The following ARID1B variants were observed in gnomAD, a reference collection of about 807,000 sequenced individuals.
ARID1B encodes AT-rich interaction domain 1B, also known as AT-rich interactive domain-containing protein 1B.
Under a neutral mutation model 212.3 loss-of-function variants are expected in ARID1B, and 30 were observed. That is an observed-to-expected ratio of 0.14 (90% CI 0.11 to 0.19). The LOEUF is 0.19. Ranked by LOEUF, ARID1B falls within the 10% of genes least tolerant of loss-of-function variation. The pLI is 1.00. For synonymous variants in ARID1B, 1,402 were observed against 1,301.7 expected, an observed-to-expected ratio of 1.08 and a Z score of -1.66; for missense variants, 2,891 against 3,204.0, an observed-to-expected ratio of 0.90 and a Z score of 2.36.
At chr6:157,003,296 A>G (rs56320856) in intron 4 of ARID1B, among the ~76,000 whole-genome samples, 3,245 of 152,270 alleles carry the variant, frequency 0.021, 49 homozygotes, top group Non-Finnish European at 0.033. Context: ...TTGTGTATGG[A>G]CAACACAGCC....
At chr6:156,877,478 G>T (rs572702279) in intron 2 of ARID1B, among the ~76,000 whole-genome samples, 2 of 151,926 alleles carry the variant, frequency 1.3e-5, no homozygotes, top group East Asian at 1.9e-4. Context: ...TTGCCTGCTG[G>T]CTCCACCTAC....
At chr6:156,789,876 C>T (rs1015321998) in intron 1 of ARID1B, among the ~76,000 whole-genome samples, 8 of 152,108 alleles carry the variant, frequency 5.3e-5, no homozygotes, top group Non-Finnish European at 7.4e-5. Flanking sequence ...TTATAAGAAA[C>T]GTGTATGCTG....
At chr6:156,938,511 A>G (rs1170949944) in intron 4 of ARID1B, 1 of 152,174 alleles carries the variant, frequency 6.6e-6, no homozygotes, top group Non-Finnish European at 1.5e-5. Context: ...TGTAATTTGG[A>G]ATTAAGTATA....
intron 2 of ARID1B, among the ~76,000 whole-genome samples, chr6:156,891,549 CACAA>C (rs1437476133): frequency 1.3e-5 from 2 of 152,048 alleles, no homozygotes; most frequent in Admixed American, 1.3e-4. Context: ...ATACCTATAC[CACAA>C]ACAGATTCTC....
In ARID1B at chr6:157,148,411, G is replaced by A. The variant is rs947083480; in HGVS notation, c.2762-213G>A. Among the ~76,000 whole-genome samples, 1 of 152,124 alleles carries A rather than the reference G, an allele frequency of 6.6e-6. No homozygotes were observed. The highest frequency in any genetic ancestry group is 1.5e-5 in the Non-Finnish European group (1 of 68,032). On this transcript the variant is annotated intron_variant, in intron 7 of 19. Transcript: ENST00000636930. This position sits in a 1 kb window ranked among gnomAD's most constrained non-coding sequence, Gnocchi z 5.6. ...CTTCATCAGTGCAGTGGTCCTCTGG[G>A]GCTGTCTGTATTTGAGTCACTCTCT...
intron 4 of ARID1B, among the ~76,000 whole-genome samples, chr6:157,039,632 TC>T (rs1219237608): frequency 6.0e-4 from 75 of 124,242 alleles, no homozygotes; most frequent in Non-Finnish European, 1.0e-4. Flanking sequence ...CTTCCTTCCT[TC>T]CTTCCTTCCT....
At chr6:157,179,752 G>T (rs968020247) in intron 11 of ARID1B, among the ~76,000 whole-genome samples, 2 of 152,180 alleles carry the variant, frequency 1.3e-5, no homozygotes, top group Non-Finnish European at 2.9e-5. Flanking sequence ...GAAAGCGGCG[G>T]CCTCACATGC....
chr6:156,829,354 G>A lies in ARID1B; in HGVS notation c.1919G>A (p.Arg640Gln), dbSNP rs768096043. 2 of 1,614,190 alleles carry A rather than the reference G, an allele frequency of 1.2e-6. No homozygotes were observed. Among genetic ancestry groups the A allele is most frequent in the Non-Finnish European group, 1.7e-6 (2 of 1,180,036 alleles). The change falls in exon 2 of 20, where the codon CGG becomes CAG. Residue 640 changes from arginine to glutamine, a missense_variant. Arg to Gln is a conservative substitution (Grantham distance 43). Around this residue, in one of 7 missense-constraint regions of ARID1B, gnomAD observed 1,643 missense variants for 1,544.0 expected, o/e 1.06. Transcript: ENST00000636930. ...TCCTATGGCCCTCCAGGCCCACAGCGGTATCCAATTGGCATCCAGGGTCGG... is the reference window on the plus strand; with the variant it reads ...TCCTATGGCCCTCCAGGCCCACAGCAGTATCCAATTGGCATCCAGGGTCGG... ...GGSYGPPGPQ[R>Q]YPIGIQGRTP...
At chr6:157,041,078 A>G (rs536378020) in intron 4 of ARID1B, among the ~76,000 whole-genome samples, 3 of 152,320 alleles carry the variant, frequency 2.0e-5, no homozygotes, top group South Asian at 4.1e-4. Context: ...CTTTGTTAGT[A>G]AAGTTCTGAA....
At chr6:156,797,713 CG>C (rs1780484645) in intron 1 of ARID1B, among the ~76,000 whole-genome samples, 1 of 152,026 alleles carries the variant, frequency 6.6e-6, no homozygotes, top group Admixed American at 6.6e-5. Context: ...CCAGACAGCT[CG>C]ATGGAGATGC....
chr6:156,999,433 C>A (rs2128424144), intron 4 of ARID1B, among the ~76,000 whole-genome samples: 1 of 152,308 alleles, frequency 6.6e-6, no homozygotes, highest in Non-Finnish European at 1.5e-5. Flanking sequence ...AGGGTATGAC[C>A]CTGGCACTTA....
At chr6:157,184,477 G>A in intron 13 of ARID1B, 42 bp downstream of exon 13, 1 of 1,611,198 alleles carries the variant, frequency 6.2e-7, no homozygotes, top group African/African-American at 1.3e-5. Flanking sequence ...GAAAGCCCAG[G>A]CGCCTGGCCT....
chr6:156,894,607 C>T (rs6903671), intron 2 of ARID1B, among the ~76,000 whole-genome samples: 53,020 of 152,016 alleles, frequency 0.35, 9,833 homozygotes, highest in African/African-American at 0.47. Flanking sequence ...CACTTGAATA[C>T]GTCTCTGATA....
chr6:156,828,229 G>T (rs1226170319), intron 1 of ARID1B, among the ~76,000 whole-genome samples: 5 of 152,004 alleles, frequency 3.3e-5, no homozygotes, highest in Non-Finnish European at 7.4e-5. Flanking sequence ...GCCTGGCTAA[G>T]TTTTTAATTT....
At chr6:156,902,589 T>C (rs1346197612) in intron 3 of ARID1B, among the ~76,000 whole-genome samples, 1 of 152,088 alleles carries the variant, frequency 6.6e-6, no homozygotes, top group African/African-American at 2.4e-5. Context: ...GCAAAACATG[T>C]TAAAACAACA....
chr6:157,004,890 C>CTTTTTTGTTTTT lies in ARID1B; in HGVS notation c.2247+69320_2247+69321insGTTTTTTTTTTT, dbSNP rs1779118895. Among the ~76,000 whole-genome samples the CTTTTTTGTTTTT allele has an allele frequency of 6.2e-4, 22 of 35,694 alleles. 5 individuals carry two copies. The highest frequency in any genetic ancestry group is 9.4e-4 in the Non-Finnish European group (13 of 13,822). The allele number at this position is 35,694 out of a possible 152,430, so 23.4% of individuals were successfully genotyped here. A position where few individuals can be genotyped will look rare whatever the true frequency, so the allele number is the denominator to read the frequency against. ...GCATTTCTTTTTTCTTTTTCTTCTT[C>CTTTTTTGTTTTT]TTTTTTCTTTTTTTTTTTTTTTTTT... is the stretch of plus-strand genomic sequence containing the variant. On this transcript the variant is annotated intron_variant, in intron 4 of 19. Transcript: ENST00000636930.
chr6:157,102,614 T>C (rs868286362), intron 5 of ARID1B, among the ~76,000 whole-genome samples: 3 of 138,406 alleles, frequency 2.2e-5, no homozygotes, highest in Admixed American at 2.1e-4. Context: ...CTTTTTTTTT[T>C]TTTTTTTTTT....
chr6:156,844,312 G>T (rs1032366108), intron 2 of ARID1B, among the ~76,000 whole-genome samples: 8 of 152,210 alleles, frequency 5.3e-5, no homozygotes, highest in Non-Finnish European at 7.3e-5. Flanking sequence ...AAGCGCTCAG[G>T]CTTCCAGAGT....
At chr6:156,886,593 G>A (rs1443370668) in intron 2 of ARID1B, among the ~76,000 whole-genome samples, 3 of 152,096 alleles carry the variant, frequency 2.0e-5, no homozygotes, top group Admixed American at 6.5e-5. Context: ...TCCGTTTAAT[G>A]ACTGAGCCTC....
Sources: gnomAD v4.1 joint callset for allele counts (sites outside exome capture counted in the v4.1 genomes callset) on GRCh38, gnomAD v4.1.1 for gene constraint, gnomAD v4.1.1 regional missense constraint, Gnocchi (gnomAD v3.1) non-coding constraint, MANE v1.5 for transcripts, NCBI Gene and HGNC (gene_info 2026-07-23, HGNC 2026-07-21) for gene names.